SOX6: variants seen among roughly 807,000 people sequenced by gnomAD.
SOX6 encodes SRY-box transcription factor 6.
A neutral mutation model predicts 97.8 loss-of-function variants in SOX6; 11 were observed. The observed-to-expected ratio is 0.11, with a 90% CI of 0.07 to 0.19. The LOEUF (loss-of-function observed/expected upper bound fraction) is 0.19. Among genes scored for constraint, SOX6 ranks in the 10% least tolerant of loss-of-function variants. The pLI is 1.00. For missense variants in SOX6, 810 were observed against 1,039.5 expected (o/e 0.78, Z 3.04); for synonymous variants, 360 against 371.4 (o/e 0.97, Z 0.35).
At chr11:16,281,371 G>A (rs1308291736) in intron 3 of SOX6, among the ~76,000 whole-genome samples, 1 of 151,946 alleles carries the variant, frequency 6.6e-6, no homozygotes, top group African/African-American at 2.4e-5. Context: ...ACATTTATTT[G>A]AATGAAAGAC....
intron 1 of SOX6, among the ~76,000 whole-genome samples, chr11:16,362,984 T>C (rs1329314148): frequency 1.3e-5 from 2 of 152,174 alleles, no homozygotes; most frequent in African/African-American, 2.4e-5. Flanking sequence ...GTTCCAGATA[T>C]GGTCTCACTG....
At chr11:16,057,159 A>C (rs1209513199) in intron 9 of SOX6, among the ~76,000 whole-genome samples, 2 of 152,150 alleles carry the variant, frequency 1.3e-5, no homozygotes, top group African/African-American at 2.4e-5. Flanking sequence ...TAAATGTTAT[A>C]TCATTATCTA....
intron 9 of SOX6, among the ~76,000 whole-genome samples, chr11:16,071,248 C>G (rs1848217435): frequency 6.6e-6 from 1 of 152,034 alleles, no homozygotes; most frequent in Non-Finnish European, 1.5e-5. Context: ...CTGTAACTTC[C>G]TCTTGTCCCA....
intron 13 of SOX6, among the ~76,000 whole-genome samples, chr11:16,005,461 G>T (rs1372357056): frequency 6.6e-6 from 1 of 151,948 alleles, no homozygotes; most frequent in Non-Finnish European, 1.5e-5. Context: ...AGACTCATTG[G>T]AATTATGAAG....
At chr11:16,185,719 G>A (rs1851456246) in intron 5 of SOX6, among the ~76,000 whole-genome samples, 1 of 152,170 alleles carries the variant, frequency 6.6e-6, no homozygotes, top group African/African-American at 2.4e-5. Flanking sequence ...TTATTCACAA[G>A]TGTCAATAGT....
intron 1 of SOX6, among the ~76,000 whole-genome samples, chr11:16,438,500 T>C (rs1452563845): frequency 6.6e-6 from 1 of 152,164 alleles, no homozygotes; most frequent in Non-Finnish European, 1.5e-5. Context: ...GAATTGGATA[T>C]ATGAGCAGCT....
chr11:16,428,529 C>A (rs1333742181), intron 1 of SOX6, among the ~76,000 whole-genome samples: 2 of 151,468 alleles, frequency 1.3e-5, no homozygotes, highest in Non-Finnish European at 3.0e-5. Context: ...GATCCAGTTT[C>A]AGCTTTCTAT....
chr11:16,493,259 G>A (rs1161867556), intron 4 of SOX6, among the ~76,000 whole-genome samples: 1 of 152,130 alleles, frequency 6.6e-6, no homozygotes, highest in East Asian at 1.9e-4. Flanking sequence ...CAATGAAAAT[G>A]AGCAAATTAC....
chr11:16,450,951 G>A, intron 1 of SOX6, among the ~76,000 whole-genome samples: 1 of 152,118 alleles, frequency 6.6e-6, no homozygotes, highest in Non-Finnish European at 1.5e-5. Context: ...GATTTGAGGG[G>A]CACTGGGTGC....
At chr11:16,566,474 T>C (rs1847874941) in intron 4 of SOX6, among the ~76,000 whole-genome samples, 4 of 152,224 alleles carry the variant, frequency 2.6e-5, no homozygotes. Flanking sequence ...GAGGTATCTC[T>C]GGTAAACTCA....
At chr11:16,506,461 G>A (rs1032647932) in intron 4 of SOX6, among the ~76,000 whole-genome samples, 1 of 152,184 alleles carries the variant, frequency 6.6e-6, no homozygotes, top group African/African-American at 2.4e-5. Flanking sequence ...GCTCATAGGT[G>A]GAAGGGACTT....
Position 16,540,256 on chromosome 11 carries a change from G to A in SOX6, n.610-63868C>T, listed in dbSNP as rs553338454. Among the ~76,000 whole-genome samples the A allele has an allele frequency of 3.9e-5, 6 of 152,178 alleles. No homozygotes were observed. In the South Asian group the frequency reaches 8.3e-4, roughly 21 times the overall value. On this transcript the variant is annotated intron_variant and non_coding_transcript_variant, in intron 4 of 5. Coordinates refer to the SOX6 transcript ENST00000524520. Reference sequence around the variant, plus strand: ...CTCAATAGATGCAGAAAAGGCCTTCGACGAAATTCAACAGCCCTTCATGCT... The same window carrying A: ...CTCAATAGATGCAGAAAAGGCCTTCAACGAAATTCAACAGCCCTTCATGCT...
At chr11:16,201,091 C>T (rs894188804) in intron 4 of SOX6, among the ~76,000 whole-genome samples, 2 of 148,948 alleles carry the variant, frequency 1.3e-5, no homozygotes, top group African/African-American at 5.0e-5. Flanking sequence ...ACTCCAACCT[C>T]GGTGACAGAG....
At chr11:16,120,242 C>CCTCT (rs951133890) in intron 6 of SOX6, among the ~76,000 whole-genome samples, 5 of 142,092 alleles carry the variant, frequency 3.5e-5, no homozygotes, top group South Asian at 4.6e-4. Context: ...CTCACTCACT[C>CCTCT]CTCTCTCTCT....
In SOX6 at chr11:16,342,433, T is replaced by A. The variant is rs969516785; in HGVS notation, c.-4-1181A>T. ...CATTAATTGATTTCATACCATTTTT[T>A]AAAAAATGCACAAATCAGTTAACAT... On this transcript the variant is annotated intron_variant, in intron 1 of 15. Coordinates refer to ENST00000683767, the MANE Select transcript of SOX6 (RefSeq NM_001367873.1). 5.9e-5 allele frequency among the ~76,000 whole-genome samples: 9 copies of A among 152,022 alleles called. No homozygotes were observed. In the East Asian group the frequency reaches 1.4e-3, roughly 23 times the overall value.
At chr11:16,576,514 G>A (rs973994623) in intron 4 of SOX6, among the ~76,000 whole-genome samples, 2 of 152,144 alleles carry the variant, frequency 1.3e-5, no homozygotes, top group African/African-American at 4.8e-5. Flanking sequence ...TGTTGTCATT[G>A]TAATAAGATA....
At chr11:15,990,811 T>C (rs545835721) in intron 13 of SOX6, among the ~76,000 whole-genome samples, 3 of 152,314 alleles carry the variant, frequency 2.0e-5, no homozygotes, top group South Asian at 4.1e-4. Context: ...CCAACATTTC[T>C]ATTTTCTGGA....
intron 4 of SOX6, among the ~76,000 whole-genome samples, chr11:16,543,342 A>T (rs1861436177): frequency 6.6e-6 from 1 of 152,126 alleles, no homozygotes; most frequent in South Asian, 2.1e-4. Context: ...CAATATCAAT[A>T]ATATGAGCTT....
At chr11:16,731,541 A>T (rs201564355) in intron 2 of SOX6, among the ~76,000 whole-genome samples, 2 of 152,234 alleles carry the variant, frequency 1.3e-5, no homozygotes, top group East Asian at 3.8e-4. Context: ...GATAAAATTC[A>T]ACACCCTTTC....
Sources: gnomAD v4.1 joint callset for allele counts (sites outside exome capture counted in the v4.1 genomes callset) on GRCh38, gnomAD v4.1.1 for gene constraint, MANE v1.5 for transcripts, NCBI Gene and HGNC (gene_info 2026-07-23, HGNC 2026-07-21) for gene names.